Variants in OSBPL2 observed in about 807,000 individuals in gnomAD.
OSBPL2 encodes the protein oxysterol-binding protein-related protein 2.
In OSBPL2, 18 loss-of-function variants were observed where a neutral mutation model predicts 58.4. That is an observed-to-expected ratio of 0.31 (90% CI 0.21 to 0.46). OSBPL2 has a LOEUF of 0.46. Among genes scored for constraint, OSBPL2 ranks in the 20% least tolerant of loss-of-function variants. The pLI is 1.00. For missense variants in OSBPL2, 461 were observed against 616.5 expected (o/e 0.75, Z 2.67); for synonymous variants, 221 against 234.1 (o/e 0.94, Z 0.51).
At position 62,272,232 on chromosome 20, in the gene OSBPL2, C is replaced by G. The variant is rs770358849; in HGVS notation, c.366C>G (p.Cys122Trp). 1.2e-6 allele frequency: 2 copies of G among 1,613,446 alleles called. No homozygotes were observed. Among genetic ancestry groups the G allele is most frequent in the Non-Finnish European group, 1.7e-6 (2 of 1,179,886 alleles). ...EHVYLIHRAS[C>W]QPQPLERMQS... Reference sequence around the variant, plus strand: ...TGTACCTCATCCACAGGGCCTCCTGCCAGCCCCAGCCCCTGGAGAGGATGC... The same window carrying G: ...TGTACCTCATCCACAGGGCCTCCTGGCAGCCCCAGCCCCTGGAGAGGATGC... The change falls in exon 5 of 14, where the codon TGC becomes TGG. Residue 122 changes from cysteine to tryptophan, a missense_variant. Cys to Trp is a radical substitution (Grantham distance 215). This residue lies in a region of OSBPL2 where 20 missense variants were observed against 17.1 expected (regional missense o/e 1.17). Transcript: ENST00000313733.
chr20:62,293,721 G>A, intron 13 of OSBPL2, 64 bp from the exon 14 acceptor site: 1 of 1,487,526 alleles, frequency 6.7e-7, no homozygotes, highest in Admixed American at 1.9e-5. Context: ...CCTGCACCCA[G>A]AACAGGGCTG....
At chr20:62,260,982 C>A (rs1981262409) in intron 3 of OSBPL2, among the ~76,000 whole-genome samples, 2 of 150,200 alleles carry the variant, frequency 1.3e-5, no homozygotes, top group Admixed American at 1.3e-4. Context: ...AGAGCAACAC[C>A]CTGGCTCAAA....
intron 1 of OSBPL2, among the ~76,000 whole-genome samples, chr20:62,252,025 G>T (rs926888708): frequency 5.9e-5 from 9 of 151,456 alleles, no homozygotes; most frequent in Non-Finnish European, 1.0e-4. Flanking sequence ...GGGACCATAG[G>T]TGGGCGCACC....
At chr20:62,260,995 A>T (rs1048118172) in intron 3 of OSBPL2, among the ~76,000 whole-genome samples, 2 of 151,736 alleles carry the variant, frequency 1.3e-5, no homozygotes, top group Non-Finnish European at 2.9e-5. Flanking sequence ...GGCTCAAAAA[A>T]TAAAGGGAAG....
chr20:62,240,514 T>G (rs2145906770), intron 1 of OSBPL2, among the ~76,000 whole-genome samples: 1 of 152,306 alleles, frequency 6.6e-6, no homozygotes, highest in African/African-American at 2.4e-5. Flanking sequence ...AGTTCATTCA[T>G]GAGGAAGCTA....
chr20:62,273,044 G>A (rs1010224475), intron 5 of OSBPL2, among the ~76,000 whole-genome samples: 12 of 152,238 alleles, frequency 7.9e-5, no homozygotes, highest in African/African-American at 2.9e-4. Context: ...TGACATTGCT[G>A]CAGCATCTGC....
In OSBPL2 at chr20:62,284,644, G is replaced by T. The variant is rs147586922; in HGVS notation, c.996+475G>T. On this transcript the variant is annotated intron_variant, in intron 10 of 13. Coordinates refer to ENST00000313733, the MANE Select transcript of OSBPL2 (RefSeq NM_144498.4). Reference sequence around the variant, plus strand: ...CCCACCTCGGCCTCCCAAAGTGCTGGGATTACTAATAGGCATGAACCACAA... The same window carrying T: ...CCCACCTCGGCCTCCCAAAGTGCTGTGATTACTAATAGGCATGAACCACAA... The T allele has an allele frequency of 2.0e-3, 326 of 161,086 alleles. 1 individual carries two copies. Among genetic ancestry groups the T allele is most frequent in the African/African-American group, 6.7e-3 (281 of 41,748 alleles). 10.0% of individuals were successfully genotyped at this position (161,086 alleles called of 1,614,324 possible).
At position 62,295,341 on chromosome 20, in the gene OSBPL2, ACACT is replaced by A. The variant is rs1183377578; in HGVS notation, c.*1457_*1460del. ...CCGTCGGTTGTGTGCACGCACGCAC[ACACT>A]CATGCACACGCTGACACGCGGTTGC... On this transcript the variant is annotated 3_prime_UTR_variant, in exon 14 of 14. Transcript: ENST00000313733. This position sits in a 1 kb window ranked among gnomAD's most constrained non-coding sequence, Gnocchi z 4.8. 1 of 152,128 alleles carries A rather than the reference ACACT, an allele frequency of 6.6e-6. No individual in the cohort carries two copies. The highest frequency in any genetic ancestry group is 1.5e-5 in the Non-Finnish European group (1 of 67,986). 9.4% of individuals were successfully genotyped at this position (152,128 alleles called of 1,614,324 possible).
At chr20:62,249,464 C>T (rs913722789) in intron 1 of OSBPL2, among the ~76,000 whole-genome samples, 2 of 152,268 alleles carry the variant, frequency 1.3e-5, no homozygotes, top group African/African-American at 4.8e-5. Context: ...GAAATAAACT[C>T]TGCCTTCCTA....
intron 4 of OSBPL2, among the ~76,000 whole-genome samples, chr20:62,266,732 T>G (rs1242079281): frequency 6.6e-6 from 1 of 152,260 alleles, no homozygotes; most frequent in African/African-American, 2.4e-5. Flanking sequence ...TAAATATTTC[T>G]TATGTATATT....
At chr20:62,289,382 A>G (rs750389072) in intron 12 of OSBPL2, 52 bp downstream of exon 12, 7 of 1,586,572 alleles carry the variant, frequency 4.4e-6, no homozygotes, top group Non-Finnish European at 6.0e-6. Flanking sequence ...CGCCCTGGCT[A>G]GGGTGGGAGA....
At chr20:62,273,867 C>T (rs1004080466) in intron 6 of OSBPL2, among the ~76,000 whole-genome samples, 1 of 152,232 alleles carries the variant, frequency 6.6e-6, no homozygotes, top group Admixed American at 6.5e-5. Context: ...CCCAAGGCCA[C>T]GTTTGCCACC....
chr20:62,272,202 G>T lies in OSBPL2; in HGVS notation c.336G>T (p.Glu112Asp). ...SFLQRITEYM[E>D]HVYLIHRASC... ...TGCAGCGGATCACGGAGTACATGGA[G>T]CACGTGTACCTCATCCACAGGGCCT... Residue 112 changes from glutamate (E) to aspartate (D), a missense_variant, in exon 5 of 14, where the codon GAG (glutamate) becomes GAT (aspartate). Around this residue, in one of 5 missense-constraint regions of OSBPL2, gnomAD observed 38 missense variants for 74.2 expected, o/e 0.51. Coordinates refer to ENST00000313733, the MANE Select transcript of OSBPL2 (RefSeq NM_144498.4). The T allele has an allele frequency of 6.2e-7, 1 of 1,613,806 alleles. No homozygotes were observed. The highest frequency in any genetic ancestry group is 8.5e-7 in the Non-Finnish European group (1 of 1,179,932).
At chr20:62,246,068 A>G (rs1424608375) in intron 1 of OSBPL2, among the ~76,000 whole-genome samples, 1 of 152,238 alleles carries the variant, frequency 6.6e-6, no homozygotes, top group African/African-American at 2.4e-5. Flanking sequence ...GCCGGCTGCC[A>G]TTCCCGCGTC....
At chr20:62,255,861 CATTG>C (rs1238497560) in intron 1 of OSBPL2, among the ~76,000 whole-genome samples, 192 bp from the exon 2 acceptor site, 1 of 152,206 alleles carries the variant, frequency 6.6e-6, no homozygotes, top group African/African-American at 2.4e-5. Context: ...GTCTGTTATT[CATTG>C]ATTGATCTTC....
chr20:62,246,061 G>A (rs760415060), intron 1 of OSBPL2, among the ~76,000 whole-genome samples: 4 of 152,232 alleles, frequency 2.6e-5, no homozygotes, highest in Admixed American at 6.5e-5. Context: ...GCGCGGGGCC[G>A]GCTGCCATTC....
chr20:62,290,582 G>C (rs1174152141), intron 12 of OSBPL2, among the ~76,000 whole-genome samples: 1 of 151,208 alleles, frequency 6.6e-6, no homozygotes, highest in Non-Finnish European at 1.5e-5. Context: ...ACCACGCCCG[G>C]TTAATTTTTT....
At chr20:62,262,097 C>A (rs1981353397) in intron 3 of OSBPL2, among the ~76,000 whole-genome samples, 1 of 150,876 alleles carries the variant, frequency 6.6e-6, no homozygotes, top group African/African-American at 2.4e-5. Flanking sequence ...CCCCCCCACC[C>A]CGTCACCCTC....
chr20:62,269,835 C>T lies in OSBPL2; in HGVS notation c.259-2290C>T, dbSNP rs1452456099. ...TCCTCGGCAGCCACATTCCCTTGTG[C>T]AGTCTTGGCCACACCCATGTGCCGG... is the stretch of plus-strand genomic sequence containing the variant. On this transcript the variant is annotated intron_variant, in intron 4 of 13. Transcript: ENST00000313733. This position sits in a 1 kb window ranked among gnomAD's most constrained non-coding sequence, Gnocchi z 4.2. 6.6e-6 allele frequency among the ~76,000 whole-genome samples: 1 copy of T among 152,262 alleles called. No individual in the cohort carries two copies. The highest frequency in any genetic ancestry group is 1.5e-5 in the Non-Finnish European group (1 of 68,052).
Sources: gnomAD v4.1 joint callset for allele counts (sites outside exome capture counted in the v4.1 genomes callset) on GRCh38, gnomAD v4.1.1 for gene constraint, gnomAD v4.1.1 regional missense constraint, Gnocchi (gnomAD v3.1) non-coding constraint, MANE v1.5 for transcripts, NCBI Gene and HGNC (gene_info 2026-07-23, HGNC 2026-07-21) for gene names.